Variants in TBC1D1 observed in about 807,000 individuals in gnomAD.
The protein encoded by TBC1D1 is TBC1 (tre-2/USP6, BUB2, cdc16) domain family, member 1.
In TBC1D1, 89 loss-of-function variants were observed where a neutral mutation model predicts 125.6. The observed-to-expected ratio is 0.71, with a 90% CI of 0.60 to 0.85. The LOEUF (loss-of-function observed/expected upper bound fraction) is 0.85. TBC1D1 is among the 40% of genes least tolerant of loss of function. The pLI is 0.00. For missense variants in TBC1D1, 1,377 were observed against 1,469.2 expected, an observed-to-expected ratio of 0.94 and a Z score of 1.03; for synonymous variants, 565 against 564.1, an observed-to-expected ratio of 1.00 and a Z score of -0.02.
intron 12 of TBC1D1, among the ~76,000 whole-genome samples, chr4:38,061,181 GC>G (rs1364224912): frequency 1.3e-5 from 2 of 152,138 alleles, no homozygotes. Context: ...CGTCTTTCCT[GC>G]CCTTTGGTTT....
At chr4:37,894,585 C>T (rs2152205313) in intron 1 of TBC1D1, among the ~76,000 whole-genome samples, 1 of 152,296 alleles carries the variant, frequency 6.6e-6, no homozygotes, top group African/African-American at 2.4e-5. Flanking sequence ...ATCAGCAAAT[C>T]TAAACCTCTG....
chr4:38,069,819 G>A lies in TBC1D1; in HGVS notation c.2050+15481G>A, dbSNP rs144022987. ...TGGTATCAGGGAACCCCTGGGCCAA[G>A]CTTGTCCAACCCGCGGCCTGCTTTC... On this transcript the variant is annotated intron_variant, in intron 12 of 19. Coordinates refer to ENST00000261439, the MANE Select transcript of TBC1D1 (RefSeq NM_015173.4). Among the ~76,000 whole-genome samples the A allele has an allele frequency of 1.2e-3, 184 of 152,308 alleles. 4 individuals are homozygous for A. In the East Asian group the frequency reaches 0.034, roughly 28 times the overall value.
intron 3 of TBC1D1, 126 bp from the exon 4 acceptor site, chr4:38,018,228 C>G (rs1314676173): frequency 1.4e-6 from 1 of 727,564 alleles, no homozygotes; most frequent in African/African-American, 1.8e-5. Flanking sequence ...AAGAGGGGAC[C>G]TTTGAAATGA....
At position 37,948,033 on chromosome 4, in the gene TBC1D1, C is replaced by T. The variant is rs535881911; in HGVS notation, c.417+45521C>T. 3.3e-5 allele frequency among the ~76,000 whole-genome samples: 5 copies of T among 152,136 alleles called. No homozygotes were observed. In the South Asian group the frequency reaches 1.0e-3, roughly 32 times the overall value. ...CTAGTTAACAAAGTGGAAACTGAAG[C>T]CAAGAGGTTAAGTAACTTGCCCAAG... On this transcript the variant is annotated intron_variant, in intron 2 of 19. Transcript: ENST00000261439.
At chr4:37,947,632 T>A (rs1284157156) in intron 2 of TBC1D1, among the ~76,000 whole-genome samples, 3 of 152,122 alleles carry the variant, frequency 2.0e-5, no homozygotes, top group Admixed American at 6.5e-5. Context: ...ATTAAAAAAA[T>A]TTTGTTTGTG....
At chr4:37,988,150 G>T (rs1735829130) in intron 2 of TBC1D1, among the ~76,000 whole-genome samples, 1 of 152,216 alleles carries the variant, frequency 6.6e-6, no homozygotes, top group Non-Finnish European at 1.5e-5. Flanking sequence ...GGATGAACTT[G>T]TCTAGGAACA....
At chr4:38,078,963 TG>T (rs1407158374) in intron 12 of TBC1D1, among the ~76,000 whole-genome samples, 1 of 152,268 alleles carries the variant, frequency 6.6e-6, no homozygotes, top group East Asian at 1.9e-4. Flanking sequence ...GTGAGGAAGT[TG>T]GCTTGCTTTT....
intron 2 of TBC1D1, among the ~76,000 whole-genome samples, chr4:37,948,773 G>C (rs750473023): frequency 3.4e-4 from 51 of 152,032 alleles, no homozygotes; most frequent in Admixed American, 1.0e-3. Flanking sequence ...GTCACCCCCC[G>C]TCTTCCTCCC....
intron 2 of TBC1D1, among the ~76,000 whole-genome samples, chr4:37,930,954 T>C (rs1723131786): frequency 6.6e-6 from 1 of 152,198 alleles, no homozygotes; most frequent in Non-Finnish European, 1.5e-5. Flanking sequence ...TCCTCTCCCA[T>C]TCATATGGAG....
At chr4:38,019,434 G>A (rs1472978291) in intron 4 of TBC1D1, among the ~76,000 whole-genome samples, 1 of 152,124 alleles carries the variant, frequency 6.6e-6, no homozygotes, top group East Asian at 1.9e-4. Flanking sequence ...GTTAATGATT[G>A]CTCATTTATT....
chr4:38,066,109 A>G (rs1753682865), intron 12 of TBC1D1, among the ~76,000 whole-genome samples: 1 of 152,196 alleles, frequency 6.6e-6, no homozygotes, highest in Non-Finnish European at 1.5e-5. Flanking sequence ...TTTACGAGTA[A>G]ATTATCAAGA....
intron 9 of TBC1D1, among the ~76,000 whole-genome samples, chr4:38,045,057 A>G (rs1265954701): frequency 6.6e-6 from 1 of 152,212 alleles, no homozygotes; most frequent in East Asian, 1.9e-4. Context: ...GACACTTACT[A>G]TCTGGCCCTT....
At chr4:38,107,868 G>C (rs973692198) in intron 15 of TBC1D1, among the ~76,000 whole-genome samples, 21 of 152,004 alleles carry the variant, frequency 1.4e-4, no homozygotes, top group African/African-American at 5.1e-4. Flanking sequence ...CCCTTCTAGG[G>C]CACCATGTTG....
intron 12 of TBC1D1, among the ~76,000 whole-genome samples, chr4:38,072,778 C>T (rs1330915810): frequency 6.6e-6 from 1 of 152,180 alleles, no homozygotes; most frequent in African/African-American, 2.4e-5. Flanking sequence ...CCTATTCCCC[C>T]TCTCCCAGCC....
At chr4:37,940,456 A>G (rs1323934610) in intron 2 of TBC1D1, among the ~76,000 whole-genome samples, 1 of 152,204 alleles carries the variant, frequency 6.6e-6, no homozygotes, top group African/African-American at 2.4e-5. Flanking sequence ...ATATACAATC[A>G]TGTCATCTGC....
chr4:38,122,075 G>A (rs1358890722), intron 17 of TBC1D1, among the ~76,000 whole-genome samples: 6 of 152,250 alleles, frequency 3.9e-5, no homozygotes, highest in Middle Eastern at 3.4e-3. Flanking sequence ...AACTTTCTCC[G>A]GCCTTGGAGG....
chr4:38,092,309 G>T (rs1476157071), intron 13 of TBC1D1, among the ~76,000 whole-genome samples: 1 of 152,140 alleles, frequency 6.6e-6, no homozygotes, highest in Non-Finnish European at 1.5e-5. Context: ...CAAGAGTTAA[G>T]TTCCTATGGC....
Position 38,114,945 on chromosome 4 carries a change from A to G in TBC1D1, c.2558-765A>G, listed in dbSNP as rs146712904. Among the ~76,000 whole-genome samples the G allele has an allele frequency of 4.6e-5, 7 of 152,246 alleles. No homozygotes were observed. In the East Asian group the frequency reaches 5.8e-4, roughly 13 times the overall value. On this transcript the variant is annotated intron_variant, in intron 15 of 19. Coordinates refer to ENST00000261439, the MANE Select transcript of TBC1D1 (RefSeq NM_015173.4). ...TGTGTAGTCTGGGAAAAGCAGATCC[A>G]GAGAGTGCTTGTAGTAAGGCGAGGC...
rs181435730 is a variant in TBC1D1 at position 38,018,699 on chromosome 4, A to G, written c.972+256A>G. Among the ~76,000 whole-genome samples, 191 of 152,320 alleles carry G rather than the reference A, an allele frequency of 1.3e-3. 6 individuals carry two copies. The East Asian group carries it at 0.03, about 24-fold the overall frequency. ...ACTTTTAATTTTCTCAGTTATTGGT[A>G]GTAATAATCCACAGTCATGACTTCC... On this transcript the variant is annotated intron_variant, in intron 4 of 19. Coordinates refer to ENST00000261439, the MANE Select transcript of TBC1D1 (RefSeq NM_015173.4).
Sources: gnomAD v4.1 joint callset for allele counts (sites outside exome capture counted in the v4.1 genomes callset) on GRCh38, gnomAD v4.1.1 for gene constraint, MANE v1.5 for transcripts, NCBI Gene and HGNC (gene_info 2026-07-23, HGNC 2026-07-21) for gene names.